Variants in PARP8 observed in about 807,000 individuals in gnomAD.
PARP8 encodes the protein poly(ADP-ribose) polymerase family member 8, also known as protein mono-ADP-ribosyltransferase PARP8.
A neutral mutation model predicts 124.1 loss-of-function variants in PARP8; 51 were observed. The ratio of observed to expected loss-of-function variants is 0.41; its 90% CI spans 0.33 to 0.52. The LOEUF (loss-of-function observed/expected upper bound fraction) is 0.52. Among genes scored for constraint, PARP8 ranks in the 20% least tolerant of loss-of-function variants. The pLI, the probability that PARP8 is intolerant of heterozygous loss-of-function variation, is 0.21. For missense variants in PARP8, 860 were observed against 1,018.9 expected (o/e 0.84, Z 2.12); for synonymous variants, 391 against 361.5 (o/e 1.08, Z -0.93).
At chr5:50,669,638 C>T (rs1749772193) in intron 2 of PARP8, 1 of 152,120 alleles carries the variant, frequency 6.6e-6, no homozygotes, top group African/African-American at 2.4e-5. Flanking sequence ...TCTTTATCAG[C>T]AAATTATTGG....
intron 14 of PARP8, among the ~76,000 whole-genome samples, chr5:50,800,467 A>G (rs1743077238): frequency 6.6e-6 from 1 of 151,922 alleles, no homozygotes; most frequent in Admixed American, 6.5e-5. Flanking sequence ...AAGACTGATT[A>G]GAAGTGGCAA....
intron 5 of PARP8, among the ~76,000 whole-genome samples, chr5:50,760,823 G>A (rs561944226): frequency 1.3e-5 from 2 of 152,104 alleles, no homozygotes; most frequent in South Asian, 4.1e-4. Context: ...CATTTCCAAA[G>A]ACTTTACTTG....
Position 50,738,757 on chromosome 5 carries a change from T to C in PARP8, c.147-11394T>C, listed in dbSNP as rs1207038574. Among the ~76,000 whole-genome samples the C allele has an allele frequency of 8.0e-5, 12 of 150,850 alleles. No homozygotes were observed. The South Asian group carries it at 2.3e-3, about 29-fold the overall frequency. ...AGAAAATAGCAAAAAAACCTCATAATGTTTTAAGAAAGTTTACAAACTTGT... is the reference window on the plus strand; with the variant it reads ...AGAAAATAGCAAAAAAACCTCATAACGTTTTAAGAAAGTTTACAAACTTGT... On this transcript the variant is annotated intron_variant, in intron 2 of 25. Coordinates refer to ENST00000281631, the MANE Select transcript of PARP8 (RefSeq NM_024615.4).
intron 21 of PARP8, among the ~76,000 whole-genome samples, chr5:50,829,256 C>T (rs1230233017): frequency 6.6e-6 from 1 of 152,084 alleles, no homozygotes; most frequent in Non-Finnish European, 1.5e-5. Context: ...TTTCATCTGA[C>T]AGCATAAGGA....
intron 2 of PARP8, among the ~76,000 whole-genome samples, chr5:50,678,215 A>T (rs571648641): frequency 6.6e-6 from 1 of 152,202 alleles, no homozygotes; most frequent in East Asian, 1.9e-4. Flanking sequence ...ACTAATTTTC[A>T]ATCACCATAG....
At chr5:50,746,507 G>C (rs538367487) in intron 2 of PARP8, among the ~76,000 whole-genome samples, 1 of 152,090 alleles carries the variant, frequency 6.6e-6, no homozygotes, top group Non-Finnish European at 1.5e-5. Flanking sequence ...TGACACTTTT[G>C]TACAGTCTTT....
At chr5:50,811,728 A>T (rs1047070692) in intron 14 of PARP8, among the ~76,000 whole-genome samples, 2 of 151,990 alleles carry the variant, frequency 1.3e-5, no homozygotes, top group Non-Finnish European at 2.9e-5. Flanking sequence ...TCCTAATGCT[A>T]TCCCTCCCCC....
intron 14 of PARP8, among the ~76,000 whole-genome samples, chr5:50,814,944 G>A (rs181037421): frequency 5.7e-4 from 87 of 152,196 alleles, no homozygotes; most frequent in Non-Finnish European, 6.2e-4. Flanking sequence ...TCTTTCAAGA[G>A]CTGAGTAGCA....
chr5:50,696,778 C>A (rs1052791289), intron 2 of PARP8, among the ~76,000 whole-genome samples: 1 of 152,018 alleles, frequency 6.6e-6, no homozygotes, highest in African/African-American at 2.4e-5. Context: ...ATCTGCTTGC[C>A]CCCTAATCTG....
intron 24 of PARP8, 31 bp from the exon 25 acceptor site, chr5:50,834,900 T>C: frequency 6.4e-7 from 1 of 1,558,514 alleles, no homozygotes; most frequent in East Asian, 2.3e-5. Context: ...TAGAATAAAG[T>C]GGTTCTTTAA....
chr5:50,751,984 G>A (rs1202332654), intron 3 of PARP8, among the ~76,000 whole-genome samples: 1 of 152,010 alleles, frequency 6.6e-6, no homozygotes, highest in Non-Finnish European at 1.5e-5. Flanking sequence ...ATTTATACCT[G>A]TTCTTGTTGG....
At chr5:50,739,113 C>T (rs1443175275) in intron 2 of PARP8, 4 of 702,054 alleles carry the variant, frequency 5.7e-6, no homozygotes, top group Admixed American at 4.0e-5. Flanking sequence ...CCAAGCTCTA[C>T]TCTGAATGGA....
intron 14 of PARP8, among the ~76,000 whole-genome samples, chr5:50,797,557 A>C (rs1430822268): frequency 1.3e-5 from 2 of 152,322 alleles, no homozygotes; most frequent in Admixed American, 1.3e-4. Context: ...GTTATGTGAC[A>C]AGGATGCTTA....
At chr5:50,755,972 G>A (rs1289675556) in intron 3 of PARP8, among the ~76,000 whole-genome samples, 1 of 151,926 alleles carries the variant, frequency 6.6e-6, no homozygotes, top group Admixed American at 6.6e-5. Context: ...TCATGATTTG[G>A]CTCTCTGTTT....
chr5:50,735,966 C>CG (rs1311880378), intron 2 of PARP8, among the ~76,000 whole-genome samples: 5 of 150,118 alleles, frequency 3.3e-5, no homozygotes, highest in African/African-American at 1.2e-4. Context: ...TCCCCCCCCC[C>CG]CTTTTATTAG....
chr5:50,697,684 A>G (rs1245569964), intron 2 of PARP8, among the ~76,000 whole-genome samples: 3 of 152,096 alleles, frequency 2.0e-5, no homozygotes, highest in African/African-American at 7.2e-5. Flanking sequence ...TCATTTTTAA[A>G]TGTTTTGTAG....
rs533015929 is a variant in PARP8 at position 50,766,199 on chromosome 5, A to C, written c.518+2957A>C. Among the ~76,000 whole-genome samples, 691 of 152,332 alleles carry C rather than the reference A, an allele frequency of 4.5e-3. 4 individuals carry two copies. Among genetic ancestry groups the C allele is most frequent in the South Asian group, 0.022 (104 of 4,830 alleles). On this transcript the variant is annotated intron_variant, in intron 7 of 25. Transcript: ENST00000281631. ...ACAATTCTACCTCACCATTCTATCC[A>C]AAAGCCTACTACTGGCTGTTGAATC...
intron 2 of PARP8, among the ~76,000 whole-genome samples, chr5:50,679,995 C>T (rs1340831957): frequency 6.6e-6 from 1 of 152,076 alleles, no homozygotes; most frequent in Non-Finnish European, 1.5e-5. Context: ...ATAGAGAAGC[C>T]GTTAGAAAAA....
chr5:50,839,854 G>C (rs1580526261), intron 25 of PARP8, among the ~76,000 whole-genome samples: 4 of 151,974 alleles, frequency 2.6e-5, no homozygotes, highest in Admixed American at 2.6e-4. Flanking sequence ...TAATATTTGG[G>C]TAGACAAACC....
Sources: gnomAD v4.1 joint callset for allele counts (sites outside exome capture counted in the v4.1 genomes callset) on GRCh38, gnomAD v4.1.1 for gene constraint, MANE v1.5 for transcripts, NCBI Gene and HGNC (gene_info 2026-07-23, HGNC 2026-07-21) for gene names.